RIN3: variants seen among roughly 807,000 people sequenced by gnomAD.
RIN3 encodes the protein RAB5 interacting protein 3.
In RIN3, 54 loss-of-function variants were observed where a neutral mutation model predicts 76.3. That is an observed-to-expected ratio of 0.71 (90% CI 0.57 to 0.89). The LOEUF (loss-of-function observed/expected upper bound fraction) is 0.89. Among genes scored for constraint, RIN3 ranks in the 40% least tolerant of loss-of-function variants. RIN3 has a pLI of 0.00. For synonymous variants in RIN3, 576 were observed against 564.0 expected (o/e 1.02, Z -0.30); for missense variants, 1,256 against 1,322.1 (o/e 0.95, Z 0.78).
intron 1 of RIN3, among the ~76,000 whole-genome samples, chr14:92,531,843 A>G: frequency 6.6e-6 from 1 of 152,086 alleles, no homozygotes; most frequent in Non-Finnish European, 1.5e-5. Flanking sequence ...TCACTCTGCC[A>G]AAGCACAACT....
chr14:92,634,296 C>T (rs1281286864), intron 4 of RIN3, among the ~76,000 whole-genome samples: 1 of 150,016 alleles, frequency 6.7e-6, no homozygotes, highest in Admixed American at 6.6e-5. Flanking sequence ...CCAGGCTGGT[C>T]TCAAACTCCT....
At chr14:92,622,752 G>C (rs1023098481) in intron 4 of RIN3, among the ~76,000 whole-genome samples, 3 of 152,196 alleles carry the variant, frequency 2.0e-5, no homozygotes, top group Non-Finnish European at 2.9e-5. Context: ...TGGGGTGTTT[G>C]GGCACAGCAG....
intron 3 of RIN3, among the ~76,000 whole-genome samples, chr14:92,605,277 GAAA>G (rs1480484804): frequency 6.6e-6 from 1 of 152,172 alleles, no homozygotes; most frequent in Non-Finnish European, 1.5e-5. Context: ...AATACATAAT[GAAA>G]AATGCCCTAG....
rs888285001 is a variant in RIN3, at chr14:92,651,724, G to A, written c.675G>A (p.Leu225=). The change falls in exon 6 of 10, where the codon CTG becomes CTA. Residue 225 remains leucine, a synonymous_variant. Coordinates refer to ENST00000216487, the MANE Select transcript of RIN3 (RefSeq NM_024832.5). ...CAAACTGTGCCTGTGAAATCGAGCT[G>A]TCGGTAGGAAATGACCGCCTGTGGT... is the stretch of plus-strand genomic sequence containing the variant. ...HDANCACEIE[L]SVGNDRLWFV... 1 of 1,614,090 alleles carries A rather than the reference G, an allele frequency of 6.2e-7. No individual in the cohort carries two copies. The highest frequency in any genetic ancestry group is 1.1e-5 in the South Asian group (1 of 91,086).
At chr14:92,603,710 T>A (rs909473610) in intron 3 of RIN3, among the ~76,000 whole-genome samples, 1 of 152,174 alleles carries the variant, frequency 6.6e-6, no homozygotes. Flanking sequence ...TTGTCTGCTC[T>A]TCTCACTTTT....
intron 3 of RIN3, among the ~76,000 whole-genome samples, chr14:92,599,434 TGAAG>T (rs1885265749): frequency 6.6e-6 from 1 of 151,998 alleles, no homozygotes; most frequent in African/African-American, 2.4e-5. Flanking sequence ...AATGGCATGA[TGAAG>T]GAAGAGGAGC....
chr14:92,627,108 A>C (rs1332977582), intron 4 of RIN3, among the ~76,000 whole-genome samples: 2 of 152,192 alleles, frequency 1.3e-5, no homozygotes, highest in Non-Finnish European at 2.9e-5. Flanking sequence ...CTAGAGGACT[A>C]TCAGAGGGGA....
Position 92,635,510 on chromosome 14 carries a change from C to G in RIN3, c.441-5728C>G, listed in dbSNP as rs117646968. On this transcript the variant is annotated intron_variant, in intron 4 of 9. Transcript: ENST00000216487. ...AATTCTGTCATTTCTCCAAATATAT[C>G]TACCTTGTGGCCCGGCAGACTCACA... Among the ~76,000 whole-genome samples, 420 of 152,310 alleles carry G rather than the reference C, an allele frequency of 2.8e-3. 6 individuals are homozygous for G. The East Asian group carries it at 0.056, about 20-fold the overall frequency.
In RIN3 at chr14:92,665,075, CATTTT is replaced by C. The variant is rs371259450; in HGVS notation, c.2335+5608_2335+5612del. On this transcript the variant is annotated intron_variant, in intron 7 of 9. Coordinates refer to ENST00000216487, the MANE Select transcript of RIN3 (RefSeq NM_024832.5). ...TTAGACAATTTCATTGTTGTGCAAA[CATTTT>C]AGAGTGTACTCACACAAACCTAGAT... is the stretch of plus-strand genomic sequence containing the variant. Among the ~76,000 whole-genome samples, 22 of 152,308 alleles carry C rather than the reference CATTTT, an allele frequency of 1.4e-4. No individual in the cohort carries two copies. The South Asian group carries it at 4.1e-3, about 29-fold the overall frequency.
rs146140645 is a variant in RIN3 at position 92,683,947 on chromosome 14, ATATCT to A, written c.2468-1037_2468-1033del. Among the ~76,000 whole-genome samples the A allele has an allele frequency of 3.3e-3, 510 of 152,324 alleles. 4 individuals are homozygous for A. Among genetic ancestry groups the A allele is most frequent in the African/African-American group, 0.011 (465 of 41,560 alleles). The stretch of plus-strand genomic sequence containing the variant: ...CTAATAAACCCATCATAAATTGAAA[ATATCT>A]TAAGTTGAAATGCATTTAATCCACC... On this transcript the variant is annotated intron_variant, in intron 8 of 9. Coordinates refer to ENST00000216487, the MANE Select transcript of RIN3 (RefSeq NM_024832.5).
At chr14:92,657,724 G>A (rs975313653) in intron 6 of RIN3, among the ~76,000 whole-genome samples, 1 of 152,228 alleles carries the variant, frequency 6.6e-6, no homozygotes, top group Admixed American at 6.5e-5. Flanking sequence ...GTGAGGTCGG[G>A]AGGTGGGCGT....
intron 3 of RIN3, among the ~76,000 whole-genome samples, chr14:92,599,980 C>T (rs1357657937): frequency 6.6e-6 from 1 of 152,174 alleles, no homozygotes; most frequent in Non-Finnish European, 1.5e-5. Flanking sequence ...TGAGAGACTT[C>T]TCTTTGCAGC....
chr14:92,637,308 C>A (rs2140126707), intron 4 of RIN3, among the ~76,000 whole-genome samples: 1 of 152,064 alleles, frequency 6.6e-6, no homozygotes, highest in East Asian at 1.9e-4. Flanking sequence ...AAAACCTAGA[C>A]CCCTCACTCA....
At chr14:92,583,316 G>A (rs1355196836) in intron 3 of RIN3, among the ~76,000 whole-genome samples, 1 of 152,258 alleles carries the variant, frequency 6.6e-6, no homozygotes, top group Non-Finnish European at 1.5e-5. Flanking sequence ...AGAAACACTC[G>A]CTCTGACCAC....
chr14:92,602,074 G>A (rs757244485), intron 3 of RIN3, among the ~76,000 whole-genome samples: 2 of 152,324 alleles, frequency 1.3e-5, no homozygotes, highest in South Asian at 2.1e-4. Flanking sequence ...TTGCAGCAAC[G>A]ACGAGCCCTG....
chr14:92,612,528 G>GTCTT (rs755062929), intron 3 of RIN3, among the ~76,000 whole-genome samples: 1 of 152,218 alleles, frequency 6.6e-6, no homozygotes, highest in Non-Finnish European at 1.5e-5. Flanking sequence ...CCTCTAGGGT[G>GTCTT]TCTTTCCCAG....
intron 1 of RIN3, among the ~76,000 whole-genome samples, chr14:92,534,417 T>TA (rs1368904400): frequency 6.6e-6 from 1 of 151,536 alleles, no homozygotes; most frequent in Non-Finnish European, 1.5e-5. Context: ...CCGTCTCTAC[T>TA]AAAAATACAA....
At chr14:92,552,667 A>G (rs555114616) in intron 1 of RIN3, among the ~76,000 whole-genome samples, 1 of 152,148 alleles carries the variant, frequency 6.6e-6, no homozygotes, top group Admixed American at 6.5e-5. Flanking sequence ...TTCCCCAGAT[A>G]CCTGCAGCCA....
At chr14:92,603,791 A>G (rs574544641) in intron 3 of RIN3, among the ~76,000 whole-genome samples, 56 of 152,304 alleles carry the variant, frequency 3.7e-4, no homozygotes, top group Admixed American at 1.1e-3. Flanking sequence ...TTCCTCAGGC[A>G]GGAAAGGGTG....
Sources: allele counts gnomAD v4.1 joint callset (sites outside exome capture counted in the v4.1 genomes callset), GRCh38; gene constraint gnomAD v4.1.1; transcripts MANE v1.5; gene names NCBI Gene and HGNC (gene_info 2026-07-23, HGNC 2026-07-21).